NF1: variants seen among roughly 807,000 people sequenced by gnomAD.
The protein encoded by NF1 is neurofibromin.
In NF1, 122 loss-of-function variants were observed where a neutral mutation model predicts 325.7. The ratio of observed to expected loss-of-function variants is 0.37; its 90% CI spans 0.32 to 0.44. The LOEUF is 0.44. Ranked by LOEUF, NF1 falls within the 20% of genes least tolerant of loss-of-function variation. The pLI is 1.00. For synonymous variants in NF1, 1,091 were observed against 1,186.0 expected (o/e 0.92, Z 1.65); for missense variants, 2,140 against 3,415.4 (o/e 0.63, Z 9.31).
chr17:31,175,411 A>G (rs888037361), intron 5 of NF1, among the ~76,000 whole-genome samples: 4 of 131,504 alleles, frequency 3.0e-5, no homozygotes, highest in Non-Finnish European at 6.1e-5. Flanking sequence ...ATGCAGTGAC[A>G]TGATTATAGT....
intron 1 of NF1, among the ~76,000 whole-genome samples, chr17:31,119,393 T>C (rs1017445001): frequency 1.3e-5 from 2 of 152,158 alleles, no homozygotes; most frequent in African/African-American, 2.4e-5. Flanking sequence ...TTTTCCTGTG[T>C]TTTTTGGCTG....
At chr17:31,345,991 A>C in intron 48 of NF1, 2 of 1,612,870 alleles carry the variant, frequency 1.2e-6, no homozygotes, top group Middle Eastern at 1.9e-4. Flanking sequence ...CCATTAGTCC[A>C]GCAGGAGGAT....
At chr17:31,218,635 A>G (rs1485812915) in intron 13 of NF1, among the ~76,000 whole-genome samples, 4 of 150,638 alleles carry the variant, frequency 2.7e-5, no homozygotes, top group Non-Finnish European at 5.9e-5. Context: ...GCAGCGGTGC[A>G]ATCTTGGCTC....
chr17:31,164,381 T>C (rs1230447792), intron 4 of NF1, among the ~76,000 whole-genome samples: 1 of 152,202 alleles, frequency 6.6e-6, no homozygotes, highest in Non-Finnish European at 1.5e-5. Context: ...GATAGAATTA[T>C]AAGTGACAGT....
chr17:31,247,055 C>T (rs907463574), intron 29 of NF1, among the ~76,000 whole-genome samples: 1 of 151,660 alleles, frequency 6.6e-6, no homozygotes, highest in Non-Finnish European at 1.5e-5. Flanking sequence ...ATTACCTGGG[C>T]GTGGTGGTGG....
chr17:31,120,460 C>T (rs1339138407), intron 1 of NF1, among the ~76,000 whole-genome samples: 1 of 152,128 alleles, frequency 6.6e-6, no homozygotes, highest in Non-Finnish European at 1.5e-5. Context: ...GATTTTGTAT[C>T]CTGAAACTTT....
chr17:31,212,014 A>C (rs1027224215), intron 12 of NF1, among the ~76,000 whole-genome samples: 1 of 152,168 alleles, frequency 6.6e-6, no homozygotes, highest in Admixed American at 6.5e-5. Flanking sequence ...GTAGCTTTTA[A>C]AATATAAACT....
At chr17:31,202,751 A>G (rs1346978160) in intron 11 of NF1, among the ~76,000 whole-genome samples, 1 of 152,222 alleles carries the variant, frequency 6.6e-6, no homozygotes, top group East Asian at 1.9e-4. Flanking sequence ...TTGTTCCAAA[A>G]GGGAAAGTTT....
In NF1 at chr17:31,326,182, T is replaced by C. The variant is rs2069336790; in HGVS notation, c.5198T>C (p.Leu1733Ser). 1 of 1,613,448 alleles carries C rather than the reference T, an allele frequency of 6.2e-7. No homozygotes were observed. Among genetic ancestry groups the C allele is most frequent in the Non-Finnish European group, 8.5e-7 (1 of 1,179,792 alleles). The change falls in exon 37 of 58, where the codon TTA (leucine) becomes TCA (serine). Residue 1733 changes from leucine to serine, a missense_variant. By Grantham distance (145) the Leu-to-Ser change is moderately radical. Around this residue, in one of 10 missense-constraint regions of NF1, gnomAD observed 147 missense variants for 186.7 expected, o/e 0.79. Coordinates refer to ENST00000358273, the MANE Select transcript of NF1 (RefSeq NM_001042492.3). ...QQKLPAATLALEEDLKVFHNA... is the reference protein window; with the variant it reads ...QQKLPAATLASEEDLKVFHNA... Reference sequence around the variant, plus strand: ...AAACTACCTGCTGCCACCTTGGCTTTAGAAGAGGACCTGAAGGTATTCCAC... The same window carrying C: ...AAACTACCTGCTGCCACCTTGGCTTCAGAAGAGGACCTGAAGGTATTCCAC...
intron 57 of NF1, among the ~76,000 whole-genome samples, chr17:31,371,634 A>T (rs1038932323): frequency 6.6e-6 from 1 of 152,148 alleles, no homozygotes; most frequent in Non-Finnish European, 1.5e-5. Context: ...TATGCATATG[A>T]TTAGATTAGA....
intron 29 of NF1, 28 bp from the exon 30 acceptor site, chr17:31,248,956 T>A (rs763313910): frequency 6.2e-7 from 1 of 1,612,028 alleles, no homozygotes; most frequent in South Asian, 1.1e-5. Context: ...AACAAAAGTG[T>A]TAGGATTTTA....
At chr17:31,189,579 T>C (rs565903689) in intron 8 of NF1, among the ~76,000 whole-genome samples, 1 of 152,268 alleles carries the variant, frequency 6.6e-6, no homozygotes, top group African/African-American at 2.4e-5. Flanking sequence ...ATCTAGTTTT[T>C]TGTCTATAGA....
At chr17:31,332,278 A>G (rs1485486364) in intron 39 of NF1, among the ~76,000 whole-genome samples, 2 of 152,070 alleles carry the variant, frequency 1.3e-5, no homozygotes, top group Non-Finnish European at 2.9e-5. Context: ...AGCCTGGCCA[A>G]TATGGTGAAA....
At chr17:31,108,243 T>C (rs1026294754) in intron 1 of NF1, among the ~76,000 whole-genome samples, 3 of 148,234 alleles carry the variant, frequency 2.0e-5, no homozygotes, top group African/African-American at 4.9e-5. Context: ...ATAAAAAGTT[T>C]CCAACATAAA....
chr17:31,209,044 T>C (rs1157683932), intron 12 of NF1, among the ~76,000 whole-genome samples: 3 of 152,220 alleles, frequency 2.0e-5, no homozygotes, highest in African/African-American at 4.8e-5. Flanking sequence ...AACTCTGTTA[T>C]AGGGGGCTGT....
intron 46 of NF1, 55 bp from the exon 47 acceptor site, chr17:31,340,450 A>G: frequency 5.0e-6 from 8 of 1,612,020 alleles, no homozygotes; most frequent in Non-Finnish European, 6.8e-6. Context: ...GTGTGTTTTG[A>G]AAGAGACTAT....
intron 1 of NF1, among the ~76,000 whole-genome samples, chr17:31,125,755 C>T (rs1268725514): frequency 1.3e-5 from 2 of 151,976 alleles, no homozygotes; most frequent in African/African-American, 2.4e-5. Context: ...AGGCTGGTCT[C>T]GAACTCCTGA....
At chr17:31,146,652 T>G (rs1373032800) in intron 1 of NF1, among the ~76,000 whole-genome samples, 1 of 152,222 alleles carries the variant, frequency 6.6e-6, no homozygotes, top group Admixed American at 6.5e-5. Flanking sequence ...CTTTTTTCTT[T>G]GAAATCAACA....
At chr17:31,264,660 G>A (rs1019360668) in intron 35 of NF1, among the ~76,000 whole-genome samples, 15 of 152,142 alleles carry the variant, frequency 9.9e-5, no homozygotes, top group African/African-American at 3.6e-4. Flanking sequence ...CATGAATCTT[G>A]AGGTTGAAGA....
Sources: gnomAD v4.1 joint callset for allele counts (sites outside exome capture counted in the v4.1 genomes callset) on GRCh38, gnomAD v4.1.1 for gene constraint, gnomAD v4.1.1 regional missense constraint, MANE v1.5 for transcripts, NCBI Gene and HGNC (gene_info 2026-07-23, HGNC 2026-07-21) for gene names.